Variants in POLI observed in about 807,000 individuals in gnomAD.
POLI encodes the protein RAD30 homolog B.
A neutral mutation model predicts 51.6 loss-of-function variants in POLI; 58 were observed. The observed-to-expected ratio is 1.12, with a 90% CI of 0.91 to 1.40. The LOEUF (loss-of-function observed/expected upper bound fraction) is 1.40. Among genes scored for constraint, POLI ranks in the 40% most tolerant of loss-of-function variants. The pLI is 0.00. For missense variants in POLI, 921 were observed against 871.3 expected (o/e 1.06, Z -0.72); for synonymous variants, 322 against 299.7 (o/e 1.07, Z -0.77).
At chr18:54,278,532 C>T (rs2087354180) in intron 4 of POLI, among the ~76,000 whole-genome samples, 1 of 152,156 alleles carries the variant, frequency 6.6e-6, no homozygotes, top group Non-Finnish European at 1.5e-5. Flanking sequence ...TCTCTGAATT[C>T]CCAAGTTAGC....
In POLI at chr18:54,287,457, A is replaced by T. The variant is rs1044586130; in HGVS notation, c.1198+46A>T. The T allele has an allele frequency of 4.0e-6, 6 of 1,482,252 alleles. No individual in the cohort carries two copies. In the African/African-American group the frequency reaches 8.3e-5, roughly 21 times the overall value. 91.8% of individuals were successfully genotyped at this position (1,482,252 alleles called of 1,614,324 possible). ...AGTTTCATTAGCAGGTTGAACTCTT[A>T]AATAAGCCAACTTTGAATGAGAAAT... On this transcript the variant is annotated intron_variant, in intron 8 of 9. Transcript: ENST00000579534.
intron 3 of POLI, among the ~76,000 whole-genome samples, chr18:54,276,842 A>G (rs1480968557): frequency 6.6e-6 from 1 of 152,216 alleles, no homozygotes; most frequent in Non-Finnish European, 1.5e-5. Context: ...GGAATGAGAT[A>G]GTCCTTTTAT....
intron 4 of POLI, among the ~76,000 whole-genome samples, chr18:54,278,360 A>G (rs1406680426): frequency 6.6e-6 from 1 of 152,204 alleles, no homozygotes; most frequent in Non-Finnish European, 1.5e-5. Context: ...GCTTCTTAAT[A>G]TGCTTTTTGG....
rs2088407812 is a variant in POLI at position 54,297,821 on chromosome 18, T to C, written c.*3354T>C. The C allele has an allele frequency of 1.0e-6, 1 of 962,322 alleles. No homozygotes were observed. The highest frequency in any genetic ancestry group is 1.8e-5 in the African/African-American group (1 of 56,734). The allele number at this position is 962,322 out of a possible 1,614,324, so 59.6% of individuals were successfully genotyped here. On this transcript the variant is annotated 3_prime_UTR_variant, in exon 10 of 10. Transcript: ENST00000579534. ...ATTAAATCTCCAAATTGGATATTAT[T>C]AGTATTTTATATAGTCAATGTTTAT...
chr18:54,304,066 C>T (rs921234148), intron 3 of POLI, among the ~76,000 whole-genome samples: 13 of 152,124 alleles, frequency 8.5e-5, no homozygotes, highest in Non-Finnish European at 1.3e-4. Flanking sequence ...CCAGCTTCAT[C>T]CACGTCCCTA....
chr18:54,295,667 G>T lies in POLI; in HGVS notation c.*1200G>T. On this transcript the variant is annotated 3_prime_UTR_variant, in exon 10 of 10. Transcript: ENST00000579534. ...TTTGGAGACAGAGTCTCACTCTGTC[G>T]CCCAGGGTGGAGTACAGTGGCGCAA... The T allele has an allele frequency of 1.9e-5, 7 of 371,538 alleles. No homozygotes were observed. The highest frequency in any genetic ancestry group is 2.6e-5 in the Non-Finnish European group (7 of 269,676). 23.0% of individuals were successfully genotyped at this position (371,538 alleles called of 1,614,324 possible).
At chr18:54,281,723 GCTTTA>G (rs2087507143) in intron 5 of POLI, among the ~76,000 whole-genome samples, 1 of 150,900 alleles carries the variant, frequency 6.6e-6, no homozygotes, top group South Asian at 2.1e-4. Context: ...TTCTTACTTG[GCTTTA>G]CTTTCGAGTT....
At chr18:54,316,762 A>AG (rs1336897597) in intron 3 of POLI, among the ~76,000 whole-genome samples, 2 of 152,162 alleles carry the variant, frequency 1.3e-5, no homozygotes, top group Non-Finnish European at 2.9e-5. Flanking sequence ...AGGAAAAAAA[A>AG]GCTGCTTATA....
At chr18:54,319,215 T>C (rs2088767371) in intron 3 of POLI, among the ~76,000 whole-genome samples, 1 of 152,184 alleles carries the variant, frequency 6.6e-6, no homozygotes, top group Non-Finnish European at 1.5e-5. Context: ...AGACTTCTTG[T>C]GTGAGATCAA....
chr18:54,304,287 T>C (rs529883724), intron 3 of POLI, among the ~76,000 whole-genome samples: 4 of 152,316 alleles, frequency 2.6e-5, no homozygotes, highest in East Asian at 1.9e-4. Context: ...GTAATGGGAT[T>C]GCTGGGTCAA....
intron 7 of POLI, among the ~76,000 whole-genome samples, chr18:54,285,742 A>G (rs1371917590): frequency 6.6e-6 from 1 of 152,164 alleles, no homozygotes; most frequent in East Asian, 1.9e-4. Flanking sequence ...CATAATTAAT[A>G]TAACACGTTT....
At chr18:54,280,936 GTCTTATTT>G in intron 5 of POLI, 33 bp downstream of exon 5, 2 of 1,101,060 alleles carry the variant, frequency 1.8e-6, no homozygotes, top group Non-Finnish European at 2.6e-6. Context: ...GTACATATAC[GTCTTATTT>G]TATTTCTTTT....
At chr18:54,313,184 A>C (rs2088691700) in intron 3 of POLI, among the ~76,000 whole-genome samples, 1 of 152,192 alleles carries the variant, frequency 6.6e-6, no homozygotes. Flanking sequence ...CAGTTATCCC[A>C]GCACCATGTA....
chr18:54,273,656 A>G (rs1568117703), intron 2 of POLI, among the ~76,000 whole-genome samples: 1 of 152,114 alleles, frequency 6.6e-6, no homozygotes, highest in Non-Finnish European at 1.5e-5. Context: ...TTCTTCAAGG[A>G]GACAAAACAA....
downstream of POLI, among the ~76,000 whole-genome samples, chr18:54,300,097 C>G (rs533131633): frequency 6.6e-6 from 1 of 150,972 alleles, no homozygotes; most frequent in East Asian, 2.0e-4. Context: ...GTCCAACAGG[C>G]AGGAAGAGCA....
chr18:54,270,149 C>T (rs1312753335), intron 1 of POLI: 25 of 468,092 alleles, frequency 5.3e-5, no homozygotes, highest in Non-Finnish European at 6.7e-5. Context: ...TACCTTGTAC[C>T]GCCCACCTCA....
At chr18:54,281,566 C>T (rs772739830) in intron 5 of POLI, among the ~76,000 whole-genome samples, 9 of 152,036 alleles carry the variant, frequency 5.9e-5, no homozygotes, top group Non-Finnish European at 8.8e-5. Context: ...CTGATACTTG[C>T]GTGATTCCAA....
rs534285919 is a variant in POLI at position 54,297,249 on chromosome 18, T to C, written c.*2782T>C. On this transcript the variant is annotated 3_prime_UTR_variant, in exon 10 of 10. Transcript: ENST00000579534. ...CAAGCTTGCTTCTTGCTTGATGCTT[T>C]CTGCTGCTTTCTTGCTTTTGTTTCA... 3 of 985,192 alleles carry C rather than the reference T, an allele frequency of 3.0e-6. No individual in the cohort carries two copies. The Admixed American group carries it at 1.8e-4, about 61-fold the overall frequency. 61.0% of individuals were successfully genotyped at this position (985,192 alleles called of 1,614,324 possible).
chr18:54,313,963 T>C (rs2088700622), intron 3 of POLI, among the ~76,000 whole-genome samples: 1 of 152,182 alleles, frequency 6.6e-6, no homozygotes, highest in East Asian at 1.9e-4. Context: ...CCTTGATTGC[T>C]GTGGCCAGGA....
Sources: allele counts gnomAD v4.1 joint callset (sites outside exome capture counted in the v4.1 genomes callset), GRCh38; gene constraint gnomAD v4.1.1; transcripts MANE v1.5; gene names NCBI Gene and HGNC (gene_info 2026-07-23, HGNC 2026-07-21).